Variants in NCKAP5 observed in about 807,000 individuals in gnomAD.
The protein encoded by NCKAP5 is nck-associated protein 5.
In NCKAP5, 92 loss-of-function variants were observed where a neutral mutation model predicts 167.0. The observed-to-expected ratio is 0.55, with a 90% confidence interval of 0.47 to 0.66. The LOEUF (loss-of-function observed/expected upper bound fraction) is 0.66, where lower values mean the gene tolerates loss of function less well. NCKAP5 is among the 30% of genes least tolerant of loss of function. NCKAP5 has a pLI of 0.00. For synonymous variants in NCKAP5, 891 were observed against 877.4 expected, an observed-to-expected ratio of 1.02 and a Z score of -0.27; for missense variants, 2,378 against 2,315.0, an observed-to-expected ratio of 1.03 and a Z score of -0.56.
chr2:133,402,653 G>A (rs895176733), intron 3 of NCKAP5, among the ~76,000 whole-genome samples: 2 of 151,998 alleles, frequency 1.3e-5, no homozygotes, highest in Non-Finnish European at 2.9e-5. Flanking sequence ...TATGGGATCC[G>A]GTTGTTTAAA....
the NCKAP5 span, among the ~76,000 whole-genome samples, chr2:133,635,464 G>T: frequency 2.0e-4 from 30 of 152,152 alleles, no homozygotes; most frequent in African/African-American, 6.8e-4. Context: ...CCATCAGTCT[G>T]CCAGAAGACC....
chr2:133,429,494 A>G (rs1690022644), intron 3 of NCKAP5, among the ~76,000 whole-genome samples: 1 of 151,884 alleles, frequency 6.6e-6, no homozygotes, highest in African/African-American at 2.4e-5. Flanking sequence ...TCCCTCCTTC[A>G]AGGTCTACTG....
intron 5 of NCKAP5, among the ~76,000 whole-genome samples, chr2:133,138,876 G>C (rs2082894717): frequency 6.6e-6 from 1 of 152,084 alleles, no homozygotes; most frequent in Non-Finnish European, 1.5e-5. Context: ...TGCTTGACTG[G>C]CCCTGCTGCT....
intron 3 of NCKAP5, chr2:133,333,771 T>C (rs1188480907): frequency 6.6e-6 from 1 of 152,226 alleles, no homozygotes; most frequent in Non-Finnish European, 1.5e-5. Flanking sequence ...TTTGCTCCCC[T>C]ACACAGTGAG....
intron 3 of NCKAP5, among the ~76,000 whole-genome samples, chr2:133,398,307 C>T (rs906641415): frequency 6.6e-6 from 1 of 152,152 alleles, no homozygotes; most frequent in African/African-American, 2.4e-5. Flanking sequence ...CTTGGAGTAC[C>T]TAATGCATGC....
At chr2:132,829,164 A>T (rs999616483) in intron 11 of NCKAP5, among the ~76,000 whole-genome samples, 1 of 152,242 alleles carries the variant, frequency 6.6e-6, no homozygotes, top group Non-Finnish European at 1.5e-5. Flanking sequence ...AATGAGTATA[A>T]TACAATAAGT....
the NCKAP5 span, among the ~76,000 whole-genome samples, chr2:133,613,264 T>G: frequency 0.092 from 14,042 of 152,208 alleles, 744 homozygotes; most frequent in African/African-American, 0.11. Flanking sequence ...AAGGGGCCCA[T>G]TCCACTCCTC....
the NCKAP5 span, among the ~76,000 whole-genome samples, chr2:133,614,066 C>T: frequency 1.3e-5 from 2 of 151,988 alleles, no homozygotes; most frequent in African/African-American, 2.4e-5. Context: ...TGAACTTTGT[C>T]TCCAAGACTA....
chr2:132,781,996 T>C lies in NCKAP5; in HGVS notation c.4815A>G (p.Arg1605=). 6.2e-7 allele frequency: 1 copy of C among 1,613,980 alleles called. No homozygotes were observed. Among genetic ancestry groups the C allele is most frequent in the East Asian group, 2.2e-5 (1 of 44,880 alleles). ...YNQLKIEPRN[R]HSPVACSTKD... is the part of the protein sequence containing the mutation. ...TCGTTGAACATGCAACAGGGCTGTG[T>C]CTATTCCTTGGTTCAATCTTCAGTT... Residue 1605 remains arginine, a synonymous_variant, in exon 14 of 20, where the codon AGA becomes AGG. Transcript: ENST00000409261.
intron 3 of NCKAP5, among the ~76,000 whole-genome samples, chr2:133,400,258 T>C (rs1688011609): frequency 6.6e-6 from 1 of 152,004 alleles, no homozygotes. Flanking sequence ...AAAGGATCAG[T>C]GATTATCATG....
chr2:133,436,113 C>T (rs1297326254), intron 3 of NCKAP5, among the ~76,000 whole-genome samples: 1 of 152,178 alleles, frequency 6.6e-6, no homozygotes, highest in African/African-American at 2.4e-5. Flanking sequence ...CCCCCCACTC[C>T]CCAAATCTAT....
chr2:133,093,324 T>C (rs2081248704), intron 6 of NCKAP5, among the ~76,000 whole-genome samples: 1 of 152,196 alleles, frequency 6.6e-6, no homozygotes, highest in African/African-American at 2.4e-5. Context: ...CAGATTATTC[T>C]GGAGTTTGAC....
intron 3 of NCKAP5, among the ~76,000 whole-genome samples, chr2:133,451,562 T>G (rs1691553119): frequency 6.6e-6 from 1 of 152,188 alleles, no homozygotes; most frequent in Non-Finnish European, 1.5e-5. Flanking sequence ...CACAGAACTT[T>G]TTTATCTTTT....
At chr2:133,268,467 A>T (rs937760659) in intron 4 of NCKAP5, 1 of 149,344 alleles carries the variant, frequency 6.7e-6, no homozygotes, top group Non-Finnish European at 1.5e-5. Flanking sequence ...ACTACTGGTT[A>T]GATTTTACAG....
intron 6 of NCKAP5, among the ~76,000 whole-genome samples, chr2:133,058,683 A>C (rs1203334654): frequency 1.3e-5 from 2 of 152,236 alleles, no homozygotes; most frequent in Non-Finnish European, 2.9e-5. Context: ...ACTACTGTGA[A>C]GATACTATGT....
intron 3 of NCKAP5, among the ~76,000 whole-genome samples, chr2:133,482,007 C>T (rs1307061227): frequency 1.3e-5 from 2 of 152,128 alleles, no homozygotes; most frequent in Non-Finnish European, 2.9e-5. Context: ...TAGCCAGTCT[C>T]TGATCTATCT....
intron 7 of NCKAP5, among the ~76,000 whole-genome samples, chr2:132,974,723 G>A (rs1363393294): frequency 6.6e-6 from 1 of 152,228 alleles, no homozygotes; most frequent in Non-Finnish European, 1.5e-5. Context: ...GCTACTGGCA[G>A]CGTTTCTCCC....
At chr2:132,898,012 C>T (rs942939097) in intron 8 of NCKAP5, among the ~76,000 whole-genome samples, 2 of 152,222 alleles carry the variant, frequency 1.3e-5, no homozygotes, top group Non-Finnish European at 2.9e-5. Context: ...CTCTTCCTTT[C>T]ACAGAACATT....
intron 4 of NCKAP5, among the ~76,000 whole-genome samples, chr2:133,228,426 A>G (rs1159159953): frequency 6.6e-6 from 1 of 152,148 alleles, no homozygotes; most frequent in African/African-American, 2.4e-5. Context: ...ACTAACATTG[A>G]GCCTACATCT....
Sources: gnomAD v4.1 joint callset for allele counts (sites outside exome capture counted in the v4.1 genomes callset) on GRCh38, gnomAD v4.1.1 for gene constraint, MANE v1.5 for transcripts, NCBI Gene and HGNC (gene_info 2026-07-23, HGNC 2026-07-21) for gene names.